R3HDM2: variants seen among roughly 807,000 people sequenced by gnomAD.
The protein encoded by R3HDM2 is R3H domain-containing protein 2.
Under a neutral mutation model 124.5 loss-of-function variants are expected in R3HDM2, and 38 were observed. The observed-to-expected ratio is 0.31, with a 90% confidence interval of 0.24 to 0.40. The LOEUF (loss-of-function observed/expected upper bound fraction) is 0.40. Ranked by LOEUF, R3HDM2 falls within the 10% of genes least tolerant of loss-of-function variation. R3HDM2 has a pLI of 1.00. For synonymous variants in R3HDM2, 391 were observed against 448.0 expected (o/e 0.87, Z 1.61); for missense variants, 869 against 1,236.9 (o/e 0.70, Z 4.46).
chr12:57,401,337 C>G (rs2068029493), intron 1 of R3HDM2, among the ~76,000 whole-genome samples: 1 of 151,884 alleles, frequency 6.6e-6, no homozygotes, highest in Non-Finnish European at 1.5e-5. Context: ...CTCTTGGAAC[C>G]TAACCATCAT....
At chr12:57,403,374 C>A (rs557929878) in intron 1 of R3HDM2, among the ~76,000 whole-genome samples, 1 of 152,122 alleles carries the variant, frequency 6.6e-6, no homozygotes, top group African/African-American at 2.4e-5. Context: ...CGCCTGTAAT[C>A]CCAGCTACTT....
chr12:57,318,799 T>C, intron 2 of R3HDM2, among the ~76,000 whole-genome samples: 1 of 152,226 alleles, frequency 6.6e-6, no homozygotes, highest in Non-Finnish European at 1.5e-5. Context: ...AATCTTACAA[T>C]GATCCTATTA....
intron 14 of R3HDM2, among the ~76,000 whole-genome samples, chr12:57,279,382 CATGTTGGGCAGGCTGGT>C (rs1187916599): frequency 6.6e-6 from 1 of 150,992 alleles, no homozygotes; most frequent in Non-Finnish European, 1.5e-5. Context: ...CGGGTTTCAC[CATGTTGGGCAGGCTGGT>C]CTTGAACTCC....
chr12:57,374,683 TAAAAAAAAAAAAA>T (rs56197858), intron 2 of R3HDM2, among the ~76,000 whole-genome samples: 2 of 28,058 alleles, frequency 7.1e-5, no homozygotes, highest in Non-Finnish European at 1.3e-4. Context: ...AATTCTATCT[TAAAAAAAAAAAAA>T]AAAAAAAAAA....
rs117661948 is a variant in R3HDM2, at chr12:57,377,793, G to C, written c.-36+17956C>G. On this transcript the variant is annotated intron_variant, in intron 2 of 23. Transcript: ENST00000402412. ...CTTTATCTCAATGTAAAATAAGCAA[G>C]TTGAAACCTTTCGGCCAGGGGCAGT... Among the ~76,000 whole-genome samples, 581 of 152,158 alleles carry C rather than the reference G, an allele frequency of 3.8e-3. 1 individual carries two copies. The highest frequency in any genetic ancestry group is 6.8e-3 in the Middle Eastern group (2 of 294).
At chr12:57,382,178 A>C (rs906387196) in intron 2 of R3HDM2, among the ~76,000 whole-genome samples, 2 of 151,642 alleles carry the variant, frequency 1.3e-5, no homozygotes, top group Non-Finnish European at 2.9e-5. Flanking sequence ...GCAATGACAC[A>C]ATCGTGGCTC....
rs1254971362 is a variant in R3HDM2, at chr12:57,269,596, T to C, written c.1588-147A>G. 6.2e-6 allele frequency: 9 copies of C among 1,451,064 alleles called. No homozygotes were observed. The South Asian group carries it at 1.2e-4, about 20-fold the overall frequency. 89.9% of individuals were successfully genotyped at this position (1,451,064 alleles called of 1,614,324 possible). On this transcript the variant is annotated intron_variant, in intron 15 of 23. Coordinates refer to ENST00000402412, the MANE Select transcript of R3HDM2 (RefSeq NM_001394031.1). ...GCAATTGCAGTAAAACAAGGATTTA[T>C]GTTATATAGAAAGAAGACTTTCTGG... is the stretch of plus-strand genomic sequence containing the variant.
chr12:57,332,030 G>A (rs934397726), intron 2 of R3HDM2, among the ~76,000 whole-genome samples: 9 of 151,860 alleles, frequency 5.9e-5, no homozygotes, highest in African/African-American at 1.9e-4. Flanking sequence ...GCTATGGTGA[G>A]CTGTGATTGT....
chr12:57,378,036 T>A (rs575191531), intron 2 of R3HDM2, among the ~76,000 whole-genome samples: 1 of 151,872 alleles, frequency 6.6e-6, no homozygotes, highest in South Asian at 2.1e-4. Flanking sequence ...GAGGCGGAGG[T>A]TAAAGTGAGC....
chr12:57,260,825 T>C (rs115072382), intron 19 of R3HDM2, among the ~76,000 whole-genome samples: 1,786 of 152,240 alleles, frequency 0.012, 32 homozygotes, highest in African/African-American at 0.04. Flanking sequence ...GCACCAGTCA[T>C]GCTGGGAAGT....
At chr12:57,334,948 G>A (rs1250886748) in intron 2 of R3HDM2, among the ~76,000 whole-genome samples, 1 of 150,870 alleles carries the variant, frequency 6.6e-6, no homozygotes, top group Non-Finnish European at 1.5e-5. Context: ...GAGCAGCCTG[G>A]GCAACATAGT....
At chr12:57,415,441 AG>A (rs2069479283) in intron 1 of R3HDM2, 1 of 152,220 alleles carries the variant, frequency 6.6e-6, no homozygotes, top group South Asian at 2.1e-4. Flanking sequence ...GCTTCAGACA[AG>A]GATCATCAAT....
intron 2 of R3HDM2, among the ~76,000 whole-genome samples, chr12:57,342,869 A>G (rs1314970789): frequency 6.6e-6 from 1 of 152,200 alleles, no homozygotes; most frequent in African/African-American, 2.4e-5. Flanking sequence ...TATATTTAGT[A>G]AAATTGTTTT....
chr12:57,316,440 A>C (rs867054049), intron 2 of R3HDM2, among the ~76,000 whole-genome samples: 1 of 152,126 alleles, frequency 6.6e-6, no homozygotes, highest in Non-Finnish European at 1.5e-5. Flanking sequence ...TTCCTATTTT[A>C]TTTAAAATTT....
At chr12:57,379,551 G>C (rs2064557112) in intron 2 of R3HDM2, among the ~76,000 whole-genome samples, 1 of 151,904 alleles carries the variant, frequency 6.6e-6, no homozygotes, top group African/African-American at 2.4e-5. Flanking sequence ...TTGCACTCCA[G>C]CCTGGGCAAC....
chr12:57,373,247 T>C (rs1053108079), intron 2 of R3HDM2, among the ~76,000 whole-genome samples: 1 of 152,156 alleles, frequency 6.6e-6, no homozygotes, highest in Non-Finnish European at 1.5e-5. Context: ...ACGCCTGTAA[T>C]CTCAGCACTT....
chr12:57,404,300 G>T (rs1353223321), intron 1 of R3HDM2, among the ~76,000 whole-genome samples: 1 of 150,434 alleles, frequency 6.6e-6, no homozygotes, highest in African/African-American at 2.4e-5. Context: ...CCAACCTCAG[G>T]TGATCCACCC....
intron 2 of R3HDM2, among the ~76,000 whole-genome samples, chr12:57,359,377 A>G (rs777728382): frequency 8.5e-5 from 13 of 152,178 alleles, no homozygotes; most frequent in East Asian, 1.9e-4. Flanking sequence ...AACTATTACT[A>G]TATGTATAAA....
At chr12:57,273,944 T>G (rs368030113) in intron 14 of R3HDM2, among the ~76,000 whole-genome samples, 15 of 152,344 alleles carry the variant, frequency 9.8e-5, no homozygotes, top group African/African-American at 3.6e-4. Context: ...GAGAATCCAC[T>G]GTGTGACCTG....
Sources: allele counts gnomAD v4.1 joint callset (sites outside exome capture counted in the v4.1 genomes callset), GRCh38; gene constraint gnomAD v4.1.1; transcripts MANE v1.5; gene names NCBI Gene and HGNC (gene_info 2026-07-23, HGNC 2026-07-21).